The following SLC41A2 variants were observed in gnomAD, a reference collection of about 807,000 sequenced individuals.
SLC41A2 encodes SLC41A1-like 1.
A neutral mutation model predicts 58.3 loss-of-function variants in SLC41A2; 32 were observed. The observed-to-expected ratio is 0.55, with a 90% CI of 0.41 to 0.74. The LOEUF (loss-of-function observed/expected upper bound fraction) is 0.74, where lower values mean the gene tolerates loss of function less well. Among genes scored for constraint, SLC41A2 ranks in the 30% least tolerant of loss-of-function variants. The pLI, the probability that SLC41A2 is intolerant of heterozygous loss-of-function variation, is 0.00. For synonymous variants in SLC41A2, 190 were observed against 235.0 expected, an observed-to-expected ratio of 0.81 and a Z score of 1.75; for missense variants, 514 against 680.6, an observed-to-expected ratio of 0.76 and a Z score of 2.72.
intron 2 of SLC41A2, among the ~76,000 whole-genome samples, chr12:104,919,875 A>C (rs994526971): frequency 6.6e-6 from 1 of 152,166 alleles, no homozygotes; most frequent in Non-Finnish European, 1.5e-5. Context: ...TTTGGTGTCA[A>C]GTGTAAGAAC....
chr12:104,820,382 TA>T (rs1366303513), intron 10 of SLC41A2, among the ~76,000 whole-genome samples: 1 of 152,208 alleles, frequency 6.6e-6, no homozygotes, highest in Admixed American at 6.5e-5. Flanking sequence ...AGGATCACCT[TA>T]AGCCGAGGAG....
At chr12:104,905,705 G>A (rs553990104) in intron 3 of SLC41A2, among the ~76,000 whole-genome samples, 111 of 152,382 alleles carry the variant, frequency 7.3e-4, no homozygotes, top group African/African-American at 2.6e-3. Context: ...CAGCGCCGGT[G>A]GGCCAGCATT....
intron 8 of SLC41A2, among the ~76,000 whole-genome samples, chr12:104,850,756 C>T (rs1258254122): frequency 6.6e-6 from 1 of 152,042 alleles, no homozygotes; most frequent in Non-Finnish European, 1.5e-5. Flanking sequence ...TTAGTAAATA[C>T]AAAATTCATT....
Position 104,845,867 on chromosome 12 carries a change from G to T in SLC41A2, c.1363C>A (p.Pro455Thr). ...CCTGGACCAAAGAAAGTTCTAAATG[G>T]GTAGTAACAACCTTTGGGTTCATCA... ...LPDEPKGCYY[P>T]FRTFFGPGVN... is the part of the protein sequence containing the mutation. The change falls in exon 9 of 11, where the codon CCA (proline) becomes ACA (threonine). Residue 455 changes from proline to threonine, a missense_variant. By Grantham distance (38) the Pro-to-Thr change is conservative. Around this residue, in one of 3 missense-constraint regions of SLC41A2, gnomAD observed 128 missense variants for 146.0 expected, o/e 0.88. Transcript: ENST00000258538. The T allele has an allele frequency of 5.0e-6, 8 of 1,613,162 alleles. No individual in the cohort carries two copies. Among genetic ancestry groups the T allele is most frequent in the Non-Finnish European group, 6.8e-6 (8 of 1,179,460 alleles).
chr12:104,861,511 G>C (rs1378820809), intron 7 of SLC41A2, 141 bp from the exon 8 acceptor site: 9 of 552,360 alleles, frequency 1.6e-5, no homozygotes, highest in Non-Finnish European at 2.8e-5. Context: ...AATATTCAAA[G>C]TAAAAATCAA....
At chr12:104,941,586 A>T (rs1433912788) in intron 1 of SLC41A2, among the ~76,000 whole-genome samples, 2 of 152,244 alleles carry the variant, frequency 1.3e-5, no homozygotes, top group African/African-American at 4.8e-5. Flanking sequence ...ACTCAAACAC[A>T]ATCCAGTTAA....
intron 10 of SLC41A2, among the ~76,000 whole-genome samples, chr12:104,816,191 T>C (rs1164359296): frequency 1.3e-5 from 2 of 152,040 alleles, no homozygotes; most frequent in African/African-American, 2.4e-5. Context: ...ACGAAGTGTT[T>C]CTACTTGTAG....
At chr12:104,865,656 G>T (rs950401252) in intron 7 of SLC41A2, among the ~76,000 whole-genome samples, 1 of 151,980 alleles carries the variant, frequency 6.6e-6, no homozygotes, top group South Asian at 2.1e-4. Context: ...TGTCTTTGTG[G>T]TTTTATAGCA....
rs2040840272 is a variant in SLC41A2, at chr12:104,804,989, C to G, written c.*163G>C. ...AATACTCTTCATTCTGGTTTTGACACAAATTCCTTAAAAAAAAATTAAGGC... is the reference window on the plus strand; with the variant it reads ...AATACTCTTCATTCTGGTTTTGACAGAAATTCCTTAAAAAAAAATTAAGGC... On this transcript the variant is annotated 3_prime_UTR_variant, in exon 11 of 11. Transcript: ENST00000258538. 1.8e-6 allele frequency: 1 copy of G among 564,694 alleles called. No homozygotes were observed. The highest frequency in any genetic ancestry group is 1.9e-5 in the African/African-American group (1 of 52,818). The allele number at this position is 564,694 out of a possible 1,614,324, so 35.0% of individuals were successfully genotyped here. A position where few individuals can be genotyped will look rare whatever the true frequency, so the allele number is the denominator to read the frequency against.
intron 1 of SLC41A2, among the ~76,000 whole-genome samples, chr12:104,937,485 T>G (rs2047330129): frequency 6.6e-6 from 1 of 152,272 alleles, no homozygotes; most frequent in Non-Finnish European, 1.5e-5. Flanking sequence ...CACGTTACTG[T>G]ACTGTAGCCT....
At position 104,928,034 on chromosome 12, in the gene SLC41A2, A is replaced by C; in HGVS notation, c.494T>G (p.Val165Gly). Reference sequence around the variant, plus strand: ...TCCAAAACCAGCTAGCAAAAAGGGCACAAGTATTTGCAATGCCATGATGCC... The same window carrying C: ...TCCAAAACCAGCTAGCAAAAAGGGCCCAAGTATTTGCAATGCCATGATGCC... Reference protein sequence around the residue: ...SSGIMALQILVPFLLAGFGTV... With the variant: ...SSGIMALQILGPFLLAGFGTV... Residue 165 changes from valine (V) to glycine (G), a missense_variant, in exon 2 of 11, where the codon GTG becomes GGG. Physicochemically the swap from Val to Gly is moderately radical, Grantham distance 109. This residue lies in a region of SLC41A2 where 336 missense variants were observed against 430.0 expected (regional missense o/e 0.78). Transcript: ENST00000258538. 2 of 1,614,056 alleles carry C rather than the reference A, an allele frequency of 1.2e-6. No individual in the cohort carries two copies. The highest frequency in any genetic ancestry group is 2.2e-5 in the South Asian group (2 of 91,042).
intron 6 of SLC41A2, among the ~76,000 whole-genome samples, chr12:104,875,412 C>T (rs1453085144): frequency 2.6e-5 from 4 of 152,214 alleles, no homozygotes; most frequent in African/African-American, 9.6e-5. Flanking sequence ...GCTGGAACTA[C>T]TGGTATGTGC....
chr12:104,886,259 A>G (rs1470734109), intron 6 of SLC41A2, 34 bp downstream of exon 6: 2 of 1,603,538 alleles, frequency 1.2e-6, no homozygotes, highest in South Asian at 2.2e-5. Context: ...GAGACTTGAG[A>G]CAACACACAA....
chr12:104,931,884 C>T (rs1479708980), intron 1 of SLC41A2: 1 of 152,222 alleles, frequency 6.6e-6, no homozygotes, highest in East Asian at 1.9e-4. Context: ...CACTCCATTC[C>T]TGTTCTTCCC....
intron 6 of SLC41A2, among the ~76,000 whole-genome samples, chr12:104,879,594 T>C (rs2044254885): frequency 6.6e-6 from 1 of 152,214 alleles, no homozygotes; most frequent in Non-Finnish European, 1.5e-5. Flanking sequence ...TTGTCAAAGA[T>C]CAGATGCTTG....
At chr12:104,942,259 G>A (rs866630238) in intron 1 of SLC41A2, among the ~76,000 whole-genome samples, 30 of 151,920 alleles carry the variant, frequency 2.0e-4, no homozygotes, top group African/African-American at 6.5e-4. Flanking sequence ...CAGGTGGATC[G>A]CTTGAGCCAG....
rs973101765 is a variant in SLC41A2 at position 104,803,940 on chromosome 12, A to G, written c.*1212T>C. On this transcript the variant is annotated 3_prime_UTR_variant, in exon 11 of 11. Coordinates refer to ENST00000258538, the MANE Select transcript of SLC41A2 (RefSeq NM_001352171.3). ...TCCTATCTTGATTATATTAAATAGT[A>G]CTACTTTTTAAAATAAGAAATTATT... The G allele has an allele frequency of 6.6e-6, 1 of 151,962 alleles. No individual in the cohort carries two copies. Among genetic ancestry groups the G allele is most frequent in the Admixed American group, 6.6e-5 (1 of 15,232 alleles). 9.4% of individuals were successfully genotyped at this position (151,962 alleles called of 1,614,324 possible).
intron 4 of SLC41A2, among the ~76,000 whole-genome samples, chr12:104,893,199 G>C (rs549200260): frequency 6.6e-6 from 1 of 152,132 alleles, no homozygotes; most frequent in Non-Finnish European, 1.5e-5. Flanking sequence ...CAAAAGATCT[G>C]AATAGGCATT....
At chr12:104,810,849 A>G (rs2041142974) in intron 10 of SLC41A2, among the ~76,000 whole-genome samples, 1 of 152,198 alleles carries the variant, frequency 6.6e-6, no homozygotes, top group South Asian at 2.1e-4. Flanking sequence ...TTGCAGGTGG[A>G]GTCAGGCTCA....
Sources: allele counts gnomAD v4.1 joint callset (sites outside exome capture counted in the v4.1 genomes callset), GRCh38; gene constraint gnomAD v4.1.1; regional missense constraint gnomAD v4.1.1; transcripts MANE v1.5; gene names NCBI Gene and HGNC (gene_info 2026-07-23, HGNC 2026-07-21).